The following ZFPM2 variants were observed in gnomAD, a reference collection of about 807,000 sequenced individuals.
ZFPM2 encodes the protein zinc finger protein ZFPM2.
In ZFPM2, 20 loss-of-function variants were observed where a neutral mutation model predicts 98.6. That is an observed-to-expected ratio of 0.20 (90% CI 0.14 to 0.29). The LOEUF (loss-of-function observed/expected upper bound fraction) is 0.29, where lower values mean the gene tolerates loss of function less well. Ranked by LOEUF, ZFPM2 falls within the 10% of genes least tolerant of loss-of-function variation. The pLI, the probability that ZFPM2 is intolerant of heterozygous loss-of-function variation, is 1.00. For synonymous variants in ZFPM2, 518 were observed against 502.7 expected (o/e 1.03, Z -0.41); for missense variants, 1,310 against 1,388.6 (o/e 0.94, Z 0.90).
At chr8:105,373,085 C>A (rs1370955148) in intron 1 of ZFPM2, among the ~76,000 whole-genome samples, 3 of 152,086 alleles carry the variant, frequency 2.0e-5, no homozygotes, top group Admixed American at 1.3e-4. Context: ...AACAAGAAGT[C>A]CATTACTATT....
In ZFPM2 at chr8:105,803,845, G is replaced by A. The variant is rs1461044343; in HGVS notation, c.*307G>A. 2 of 285,496 alleles carry A rather than the reference G, an allele frequency of 7.0e-6. No homozygotes were observed. The highest frequency in any genetic ancestry group is 1.3e-5 in the Non-Finnish European group (2 of 150,326). 17.7% of individuals were successfully genotyped at this position (285,496 alleles called of 1,614,324 possible). A position where few individuals can be genotyped will look rare whatever the true frequency, so the allele number is the denominator to read the frequency against. ...TGTATAGTTATTGTGTAGCACATAT[G>A]GTTTGCACTGTATAGTAGCTTTTAA... On this transcript the variant is annotated 3_prime_UTR_variant, in exon 8 of 8. Coordinates refer to ENST00000407775, the MANE Select transcript of ZFPM2 (RefSeq NM_012082.4).
At chr8:105,416,997 G>C (rs1171279171) in intron 1 of ZFPM2, among the ~76,000 whole-genome samples, 3 of 152,002 alleles carry the variant, frequency 2.0e-5, no homozygotes, top group Non-Finnish European at 2.9e-5. Flanking sequence ...TTAATTAAAA[G>C]TATTTTTAAA....
intron 1 of ZFPM2, among the ~76,000 whole-genome samples, chr8:105,410,220 G>T (rs1189005685): frequency 6.6e-6 from 1 of 151,926 alleles, no homozygotes; most frequent in East Asian, 1.9e-4. Context: ...CTAATTAAAT[G>T]TTTCCCCCTC....
chr8:105,484,254 A>G (rs1205006182), intron 3 of ZFPM2, among the ~76,000 whole-genome samples: 2 of 152,106 alleles, frequency 1.3e-5, no homozygotes, highest in African/African-American at 4.8e-5. Flanking sequence ...TTTGAGATAT[A>G]AACTATTCAT....
intron 3 of ZFPM2, among the ~76,000 whole-genome samples, chr8:105,483,629 T>C (rs149693480): frequency 6.6e-6 from 1 of 152,142 alleles, no homozygotes; most frequent in Non-Finnish European, 1.5e-5. Flanking sequence ...TGATTTCTCA[T>C]AGATCTTTGA....
intron 3 of ZFPM2, among the ~76,000 whole-genome samples, chr8:105,503,401 G>T (rs1489403099): frequency 6.6e-6 from 1 of 152,138 alleles, no homozygotes; most frequent in Non-Finnish European, 1.5e-5. Context: ...TCATATGCTG[G>T]TGAGCAATAA....
chr8:105,466,900 A>C (rs1167285131), intron 3 of ZFPM2, among the ~76,000 whole-genome samples: 1 of 152,036 alleles, frequency 6.6e-6, no homozygotes, highest in Non-Finnish European at 1.5e-5. Flanking sequence ...TAAAATTTCT[A>C]TTCAGATAAA....
At chr8:105,778,811 C>T (rs1318150495) in intron 5 of ZFPM2, among the ~76,000 whole-genome samples, 2 of 151,388 alleles carry the variant, frequency 1.3e-5, no homozygotes, top group Non-Finnish European at 2.9e-5. Context: ...TGCATAATTA[C>T]TTTTTCTCCA....
At chr8:105,742,196 TAGTG>T (rs890790006) in intron 5 of ZFPM2, among the ~76,000 whole-genome samples, 8 of 151,452 alleles carry the variant, frequency 5.3e-5, no homozygotes, top group African/African-American at 1.9e-4. Context: ...CTGGGCAAAA[TAGTG>T]AGACTCTCCA....
intron 2 of ZFPM2, among the ~76,000 whole-genome samples, chr8:105,423,520 A>G (rs1315148206): frequency 3.9e-5 from 6 of 152,236 alleles, no homozygotes; most frequent in African/African-American, 2.4e-5. Context: ...GCCTTACAGT[A>G]TCTCTGGGAG....
At chr8:105,589,466 A>G (rs920672836) in intron 4 of ZFPM2, among the ~76,000 whole-genome samples, 5 of 152,234 alleles carry the variant, frequency 3.3e-5, no homozygotes, top group African/African-American at 1.2e-4. Context: ...AACGAACTTA[A>G]GAGAAATTAA....
intron 3 of ZFPM2, among the ~76,000 whole-genome samples, chr8:105,469,522 T>C (rs1407928568): frequency 6.6e-6 from 1 of 152,200 alleles, no homozygotes; most frequent in Non-Finnish European, 1.5e-5. Flanking sequence ...ATTCACACAA[T>C]ATTTCTTGAG....
intron 1 of ZFPM2, among the ~76,000 whole-genome samples, chr8:105,372,778 A>G (rs1810649557): frequency 6.6e-6 from 1 of 152,214 alleles, no homozygotes; most frequent in South Asian, 2.1e-4. Flanking sequence ...TGTAGAAAGG[A>G]AAGAAAATAA....
At chr8:105,647,451 A>G (rs1817070136) in intron 5 of ZFPM2, among the ~76,000 whole-genome samples, 1 of 151,912 alleles carries the variant, frequency 6.6e-6, no homozygotes, top group Admixed American at 6.6e-5. Flanking sequence ...CTATGTATAC[A>G]TGTGCCATGC....
In ZFPM2 at chr8:105,318,799, C is replaced by A. The variant is rs1473411880; in HGVS notation, c.-143C>A. ...ATCCGCGGCTCCCGGAGGAGCCCAGCGCCCGGAGCACCTGGAGTCCGGCCG... is the reference window on the plus strand; with the variant it reads ...ATCCGCGGCTCCCGGAGGAGCCCAGAGCCCGGAGCACCTGGAGTCCGGCCG... On this transcript the variant is annotated 5_prime_UTR_variant, in exon 1 of 8. Coordinates refer to ENST00000407775, the MANE Select transcript of ZFPM2 (RefSeq NM_012082.4). 2 of 261,084 alleles carry A rather than the reference C, an allele frequency of 7.7e-6. No individual in the cohort carries two copies. The highest frequency in any genetic ancestry group is 1.8e-4 in the East Asian group (1 of 5,536). The allele number at this position is 261,084 out of a possible 1,614,324, so 16.2% of individuals were successfully genotyped here.
At chr8:105,452,434 T>C (rs574433902) in intron 3 of ZFPM2, among the ~76,000 whole-genome samples, 2 of 152,040 alleles carry the variant, frequency 1.3e-5, no homozygotes. Flanking sequence ...TGCCATTCTT[T>C]TTATAACCTC....
chr8:105,773,568 A>C lies in ZFPM2; in HGVS notation c.533-15150A>C, dbSNP rs1813031640. The stretch of plus-strand genomic sequence containing the variant: ...CATATTTTAGAATAGACTATCATAA[A>C]AGTTTTAGAAATAGAACTAATTAAC... On this transcript the variant is annotated intron_variant, in intron 5 of 7. Transcript: ENST00000407775. Among the ~76,000 whole-genome samples the C allele has an allele frequency of 2.6e-5, 4 of 152,040 alleles. No homozygotes were observed. The South Asian group carries it at 8.3e-4, about 32-fold the overall frequency.
rs769838505 is a variant in ZFPM2, at chr8:105,801,749, C to T, written c.1667C>T (p.Thr556Ile). 69 of 1,613,806 alleles carry T rather than the reference C, an allele frequency of 4.3e-5. No homozygotes were observed. Among genetic ancestry groups the T allele is most frequent in the Non-Finnish European group, 8.5e-7 (1 of 1,179,884 alleles). The change falls in exon 8 of 8, where the codon ACA (threonine) becomes ATA (isoleucine). Residue 556 changes from threonine (T) to isoleucine (I), a missense_variant. Coordinates refer to ENST00000407775, the MANE Select transcript of ZFPM2 (RefSeq NM_012082.4). ...GCTACTTGTTTTGAGTGTAACATAA[C>T]ATTCAATAATTTGGATAATTATCTA... The part of the protein sequence containing the change: ...KGATCFECNI[T>I]FNNLDNYLVH...
intron 3 of ZFPM2, among the ~76,000 whole-genome samples, chr8:105,528,234 G>A (rs1278630477): frequency 6.6e-6 from 1 of 152,044 alleles, no homozygotes; most frequent in Non-Finnish European, 1.5e-5. Flanking sequence ...TCTGGGGTGG[G>A]CTCTAAGATT....
Sources: allele counts gnomAD v4.1 joint callset (sites outside exome capture counted in the v4.1 genomes callset), GRCh38; gene constraint gnomAD v4.1.1; transcripts MANE v1.5; gene names NCBI Gene and HGNC (gene_info 2026-07-23, HGNC 2026-07-21).